FNDC3B: variants seen among roughly 807,000 people sequenced by gnomAD.
FNDC3B encodes fibronectin type III domain-containing protein 3B.
In FNDC3B, 12 loss-of-function variants were observed where a neutral mutation model predicts 151.5. The ratio of observed to expected loss-of-function variants is 0.08; its 90% CI spans 0.05 to 0.13. The LOEUF (loss-of-function observed/expected upper bound fraction) is 0.13. FNDC3B is among the 10% of genes least tolerant of loss of function. FNDC3B has a pLI of 1.00. For missense variants in FNDC3B, 1,214 were observed against 1,505.3 expected, an observed-to-expected ratio of 0.81 and a Z score of 3.20; for synonymous variants, 528 against 549.0, an observed-to-expected ratio of 0.96 and a Z score of 0.54.
chr3:172,297,524 G>T (rs933821296), intron 8 of FNDC3B, among the ~76,000 whole-genome samples: 1 of 152,006 alleles, frequency 6.6e-6, no homozygotes, highest in Non-Finnish European at 1.5e-5. Flanking sequence ...GCCCAGGCTG[G>T]AGTGCAGTGG....
intron 15 of FNDC3B, among the ~76,000 whole-genome samples, chr3:172,336,328 GA>G (rs1732963450): frequency 6.6e-6 from 1 of 152,138 alleles, no homozygotes; most frequent in Admixed American, 6.5e-5. Flanking sequence ...TTTCTGCTCA[GA>G]AAATAAAATT....
chr3:172,344,005 TCAA>T, intron 18 of FNDC3B, 78 bp from the exon 19 acceptor site: 1 of 1,358,204 alleles, frequency 7.4e-7, no homozygotes, highest in Non-Finnish European at 1.0e-6. Context: ...GATATTTTGC[TCAA>T]CTTGTGTGAA....
intron 11 of FNDC3B, among the ~76,000 whole-genome samples, chr3:172,325,664 G>A (rs1039331314): frequency 6.6e-6 from 1 of 152,136 alleles, no homozygotes; most frequent in African/African-American, 2.4e-5. Context: ...CTCCAGAGCC[G>A]TCGGAGAGCC....
chr3:172,136,822 C>T (rs1019796407), intron 3 of FNDC3B, among the ~76,000 whole-genome samples: 1 of 152,098 alleles, frequency 6.6e-6, no homozygotes, highest in Non-Finnish European at 1.5e-5. Flanking sequence ...CGGGTTCAAG[C>T]GACTCTCCTG....
At chr3:172,164,825 A>G (rs1722934050) in intron 3 of FNDC3B, among the ~76,000 whole-genome samples, 1 of 152,226 alleles carries the variant, frequency 6.6e-6, no homozygotes, top group Non-Finnish European at 1.5e-5. Context: ...GTACTGTGTT[A>G]GAAAGAAAAG....
chr3:172,228,104 T>C (rs1468695497), intron 4 of FNDC3B, among the ~76,000 whole-genome samples: 1 of 152,236 alleles, frequency 6.6e-6, no homozygotes, highest in Non-Finnish European at 1.5e-5. Context: ...ACTTACTTAC[T>C]TACTTACTTA....
At chr3:172,151,022 T>C (rs989077720) in intron 3 of FNDC3B, among the ~76,000 whole-genome samples, 26 of 152,254 alleles carry the variant, frequency 1.7e-4, no homozygotes, top group African/African-American at 6.0e-4. Flanking sequence ...TTCAATCTCC[T>C]TAGTTGTAGA....
chr3:172,338,988 C>T (rs1192728580), intron 16 of FNDC3B, among the ~76,000 whole-genome samples: 8 of 152,110 alleles, frequency 5.3e-5, no homozygotes, highest in African/African-American at 1.9e-4. Flanking sequence ...CCACCCACCT[C>T]GGTCTTCCAA....
At chr3:172,394,106 T>TTAAAAAAAAA (rs1736153949) in intron 25 of FNDC3B, among the ~76,000 whole-genome samples, 18 of 16,650 alleles carry the variant, frequency 1.1e-3, no homozygotes, top group Non-Finnish European at 1.6e-3. Context: ...AGACTCCTTC[T>TTAAAAAAAAA]AAAAAAAAAA....
At position 172,145,084 on chromosome 3, in the gene FNDC3B, G is replaced by C. The variant is rs577907486; in HGVS notation, c.187+11538G>C. On this transcript the variant is annotated intron_variant, in intron 3 of 25. Transcript: ENST00000415807. Reference sequence around the variant, plus strand: ...TTTTTGTGCCTGAATTAAGGTCGAAGCATTCCATAATTTAAATATAATACC... The same window carrying C: ...TTTTTGTGCCTGAATTAAGGTCGAACCATTCCATAATTTAAATATAATACC... Among the ~76,000 whole-genome samples the C allele has an allele frequency of 2.6e-5, 4 of 151,846 alleles. No individual in the cohort carries two copies. In the South Asian group the frequency reaches 8.3e-4, roughly 32 times the overall value.
At chr3:172,228,660 G>A (rs949969846) in intron 4 of FNDC3B, among the ~76,000 whole-genome samples, 2 of 152,210 alleles carry the variant, frequency 1.3e-5, no homozygotes, top group Admixed American at 6.5e-5. Flanking sequence ...GAAGCATGTT[G>A]ATGCTCTTTC....
At chr3:172,355,756 C>T (rs909422499) in intron 22 of FNDC3B, among the ~76,000 whole-genome samples, 3 of 152,194 alleles carry the variant, frequency 2.0e-5, no homozygotes, top group African/African-American at 7.2e-5. Flanking sequence ...TTACCCATCC[C>T]ACCATCATTT....
chr3:172,277,397 G>A (rs917071607), intron 6 of FNDC3B, among the ~76,000 whole-genome samples: 1 of 152,176 alleles, frequency 6.6e-6, no homozygotes, highest in East Asian at 1.9e-4. Flanking sequence ...TGGCACGTTT[G>A]TGCTATGTCC....
intron 1 of FNDC3B, among the ~76,000 whole-genome samples, chr3:172,093,816 G>A (rs187875285): frequency 6.6e-6 from 1 of 152,320 alleles, no homozygotes; most frequent in African/African-American, 2.4e-5. Context: ...TGCTCTTTCT[G>A]TTCAAAGGGA....
At chr3:172,340,489 T>G (rs1733247383) in intron 16 of FNDC3B, among the ~76,000 whole-genome samples, 1 of 152,104 alleles carries the variant, frequency 6.6e-6, no homozygotes, top group South Asian at 2.1e-4. Flanking sequence ...TTTCGCCAGG[T>G]TGGCCAGACT....
intron 11 of FNDC3B, among the ~76,000 whole-genome samples, chr3:172,323,635 G>A (rs1435727185): frequency 6.6e-6 from 1 of 152,168 alleles, no homozygotes; most frequent in Non-Finnish European, 1.5e-5. Context: ...GTTTTCAGGG[G>A]TTGATCATTC....
chr3:172,258,924 G>A (rs996083840), intron 6 of FNDC3B, among the ~76,000 whole-genome samples: 27 of 152,170 alleles, frequency 1.8e-4, no homozygotes, highest in Admixed American at 1.4e-3. Context: ...CATATCCTAG[G>A]CATGCTCAGA....
intron 21 of FNDC3B, among the ~76,000 whole-genome samples, chr3:172,348,054 C>T (rs1455784297): frequency 6.6e-6 from 1 of 152,306 alleles, no homozygotes. Flanking sequence ...TCCATTTGTT[C>T]AGTAACATTT....
Position 172,295,436 on chromosome 3 carries a change from G to A in FNDC3B, c.923G>A (p.Ser308Asn). The change falls in exon 8 of 26, where the codon AGT becomes AAT. Residue 308 changes from serine to asparagine, a missense_variant. Physicochemically the swap from Ser to Asn is conservative, Grantham distance 46. This residue lies in a region of FNDC3B where 156 missense variants were observed against 225.3 expected (regional missense o/e 0.69). Transcript: ENST00000415807. ...GTTGGACTTTCCTGTGGACCCCACA[G>A]TGGTCTTTCCTTCCCCTACAGTTAC... ...PPVGLSCGPH[S>N]GLSFPYSYEV... The A allele has an allele frequency of 6.2e-7, 1 of 1,614,070 alleles. No homozygotes were observed. Among genetic ancestry groups the A allele is most frequent in the South Asian group, 1.1e-5 (1 of 91,086 alleles).
Sources: allele counts gnomAD v4.1 joint callset (sites outside exome capture counted in the v4.1 genomes callset), GRCh38; gene constraint gnomAD v4.1.1; regional missense constraint gnomAD v4.1.1; transcripts MANE v1.5; gene names NCBI Gene and HGNC (gene_info 2026-07-23, HGNC 2026-07-21).